ELF2: variants seen among roughly 807,000 people sequenced by gnomAD.
The protein encoded by ELF2 is E74 like ETS transcription factor 2.
Under a neutral mutation model 54.8 loss-of-function variants are expected in ELF2, and 11 were observed. That is an observed-to-expected ratio of 0.20 (90% CI 0.13 to 0.33). The LOEUF is 0.33. Ranked by LOEUF, ELF2 falls within the 10% of genes least tolerant of loss-of-function variation. The pLI, the probability that ELF2 is intolerant of heterozygous loss-of-function variation, is 1.00. For synonymous variants in ELF2, 203 were observed against 245.1 expected, an observed-to-expected ratio of 0.83 and a Z score of 1.61; for missense variants, 513 against 703.0, an observed-to-expected ratio of 0.73 and a Z score of 3.06.
chr4:139,166,685 A>G (rs1276507207), intron 1 of ELF2, among the ~76,000 whole-genome samples: 2 of 151,962 alleles, frequency 1.3e-5, no homozygotes, highest in Admixed American at 1.3e-4. Context: ...TGGCTAACAT[A>G]GTGAAACCCC....
intron 4 of ELF2, chr4:139,116,531 C>A (rs1243971328): frequency 9.9e-6 from 3 of 302,482 alleles, no homozygotes; most frequent in Admixed American, 6.5e-5. Flanking sequence ...TATTACTTCT[C>A]CTTCCTTAAG....
At chr4:139,133,161 T>A (rs1737722158) in intron 3 of ELF2, among the ~76,000 whole-genome samples, 1 of 152,058 alleles carries the variant, frequency 6.6e-6, no homozygotes, top group South Asian at 2.1e-4. Context: ...GACCTCGTGA[T>A]CCGCCCGCCT....
At chr4:139,094,187 C>A (rs1184860966) in intron 4 of ELF2, among the ~76,000 whole-genome samples, 1 of 152,114 alleles carries the variant, frequency 6.6e-6, no homozygotes, top group Admixed American at 6.6e-5. Context: ...GCGTGAGCCA[C>A]CACGCCCGGC....
At position 139,166,130 on chromosome 4, in the gene ELF2, G is replaced by A. The variant is rs561517701; in HGVS notation, c.-252+10837C>T. 3.1e-4 allele frequency among the ~76,000 whole-genome samples: 47 copies of A among 152,238 alleles called. No individual in the cohort carries two copies. In the South Asian group the frequency reaches 9.8e-3, roughly 32 times the overall value. ...AGACGGGCGGATCACCTGAGGTCAG[G>A]TGTTCGAGACCAGCCTGGCCAATAT... On this transcript the variant is annotated intron_variant, in intron 1 of 9. Coordinates refer to ENST00000686138, the MANE Select transcript of ELF2 (RefSeq NM_001331036.3).
At chr4:139,156,563 T>C (rs888422670) in intron 1 of ELF2, among the ~76,000 whole-genome samples, 2 of 152,142 alleles carry the variant, frequency 1.3e-5, no homozygotes, top group African/African-American at 4.8e-5. Context: ...GCCTTGACAC[T>C]GAGTAATCCA....
intron 4 of ELF2, among the ~76,000 whole-genome samples, chr4:139,081,629 A>G (rs1731130573): frequency 6.6e-6 from 1 of 151,660 alleles, no homozygotes; most frequent in Non-Finnish European, 1.5e-5. Flanking sequence ...CCTCAAGGAG[A>G]TAAAAAGGTA....
intron 4 of ELF2, chr4:139,084,156 T>C: frequency 6.2e-6 from 10 of 1,613,646 alleles, no homozygotes; most frequent in Non-Finnish European, 8.5e-6. Flanking sequence ...CAGATCCAGC[T>C]GGTTCGTGGG....
intron 4 of ELF2, chr4:139,084,338 C>A: frequency 6.5e-7 from 1 of 1,533,368 alleles, no homozygotes; most frequent in Non-Finnish European, 8.8e-7. Flanking sequence ...CGCCCGGATC[C>A]TTGCGCGTCC....
At chr4:139,148,100 T>TA (rs146479159) in intron 1 of ELF2, among the ~76,000 whole-genome samples, 87,642 of 142,844 alleles carry the variant, frequency 0.61, 27,793 homozygotes, top group African/African-American at 0.78. Context: ...CCCTGTACCT[T>TA]AAAAAAAAAA....
rs571810963 is a variant in ELF2, at chr4:139,127,254, G to A, written c.73-1925C>T. On this transcript the variant is annotated intron_variant, in intron 3 of 9. Coordinates refer to ENST00000686138, the MANE Select transcript of ELF2 (RefSeq NM_001331036.3). ...CTTAAAATAAAAGATACAGAACAGC[G>A]TTCTTCATGTGACCATATACCTCCT... Among the ~76,000 whole-genome samples, 17 of 152,270 alleles carry A rather than the reference G, an allele frequency of 1.1e-4. No individual in the cohort carries two copies. In the South Asian group the frequency reaches 1.9e-3, roughly 17 times the overall value.
intron 4 of ELF2, among the ~76,000 whole-genome samples, chr4:139,104,586 C>T (rs576759226): frequency 1.0e-3 from 156 of 151,532 alleles, no homozygotes; most frequent in Non-Finnish European, 2.0e-3. Flanking sequence ...GTTAGTCCTA[C>T]TTCACCTCCT....
chr4:139,161,642 T>A (rs1741151771), intron 1 of ELF2, among the ~76,000 whole-genome samples: 3 of 84,668 alleles, frequency 3.5e-5, no homozygotes, highest in Admixed American at 1.5e-4. Context: ...ATAGTCTACG[T>A]AAAACTGTTT....
At chr4:139,170,259 C>CTTTTT (rs70940499) in intron 1 of ELF2, among the ~76,000 whole-genome samples, 2 of 89,292 alleles carry the variant, frequency 2.2e-5, no homozygotes, top group East Asian at 3.1e-4. Flanking sequence ...TCTTAATCGC[C>CTTTTT]TTTTTTTTTT....
intron 4 of ELF2, among the ~76,000 whole-genome samples, chr4:139,088,679 C>T (rs1223799152): frequency 6.6e-6 from 1 of 152,180 alleles, no homozygotes; most frequent in Non-Finnish European, 1.5e-5. Flanking sequence ...CACCTTCTCT[C>T]TCCATTCTCC....
intron 1 of ELF2, among the ~76,000 whole-genome samples, chr4:139,153,326 T>G (rs1008946924): frequency 6.6e-6 from 1 of 151,990 alleles, no homozygotes; most frequent in Non-Finnish European, 1.5e-5. Flanking sequence ...TCCCAGCTAC[T>G]CAGGAGGCTG....
intron 4 of ELF2, among the ~76,000 whole-genome samples, chr4:139,097,926 C>T (rs532079668): frequency 6.6e-6 from 1 of 152,166 alleles, no homozygotes; most frequent in Non-Finnish European, 1.5e-5. Context: ...ATGGTCTTGC[C>T]TGGCTTCAAG....
chr4:139,176,390 G>A (rs1266272901), intron 1 of ELF2, among the ~76,000 whole-genome samples: 1 of 74,932 alleles, frequency 1.3e-5, no homozygotes, highest in Non-Finnish European at 2.6e-5. Flanking sequence ...GGAAACTGGT[G>A]TCCAGCGCCC....
In ELF2 at chr4:139,137,661, T is replaced by G; in HGVS notation, c.41A>C (p.Glu14Ala). The part of the protein sequence containing the change: ...AVVDSGGTIL[E>A]LSSNGVENQE... ...ATTTTCTACTCCATTGCTGGAAAGC[T>G]CCAAAATAGTACCTCCACTGTCAAC... Residue 14 changes from glutamate to alanine, a missense_variant, in exon 3 of 10, where the codon GAG becomes GCG. Physicochemically the swap from Glu to Ala is moderately radical, Grantham distance 107 (BLOSUM62 -1). This residue lies in a region of ELF2 where 203 missense variants were observed against 245.9 expected (regional missense o/e 0.83). Transcript: ENST00000686138. 3 of 1,614,100 alleles carry G rather than the reference T, an allele frequency of 1.9e-6. No homozygotes were observed. The highest frequency in any genetic ancestry group is 1.7e-6 in the Non-Finnish European group (2 of 1,180,000).
In ELF2 at chr4:139,072,021, G is replaced by A. The variant is rs17322140; in HGVS notation, c.371C>T (p.Pro124Leu). The A allele has an allele frequency of 5.9e-3, 9,410 of 1,607,750 alleles. 37 individuals are homozygous for A. The highest frequency in any genetic ancestry group is 7.0e-3 in the Non-Finnish European group (8,251 of 1,178,638). The change falls in exon 6 of 10, where the codon CCT becomes CTT. Residue 124 changes from proline (P) to leucine (L), a missense_variant. Transcript: ENST00000686138. ...GATGAATTCTGGAGTTGATACACAA[G>A]GAGGAACAAACACTTCCACTATAAA... ...SRSPVEVFVP[P>L]CVSTPEFIHA...
Sources: allele counts gnomAD v4.1 joint callset (sites outside exome capture counted in the v4.1 genomes callset), GRCh38; gene constraint gnomAD v4.1.1; regional missense constraint gnomAD v4.1.1; transcripts MANE v1.5; gene names NCBI Gene and HGNC (gene_info 2026-07-23, HGNC 2026-07-21).